The following PBX1 variants were observed in gnomAD, a reference collection of about 807,000 sequenced individuals.
The protein encoded by PBX1 is pre-B-cell leukemia transcription factor 1.
Under a neutral mutation model 53.4 loss-of-function variants are expected in PBX1, and 6 were observed. That is an observed-to-expected ratio of 0.11 (90% CI 0.06 to 0.22). The LOEUF is 0.22. Among genes scored for constraint, PBX1 ranks in the 10% least tolerant of loss-of-function variants. The pLI, the probability that PBX1 is intolerant of heterozygous loss-of-function variation, is 1.00. For synonymous variants in PBX1, 204 were observed against 212.3 expected (o/e 0.96, Z 0.34); for missense variants, 251 against 551.4 (o/e 0.46, Z 5.46).
At chr1:164,683,631 ACT>A (rs1176945836) in intron 2 of PBX1, 3 of 151,914 alleles carry the variant, frequency 2.0e-5, no homozygotes, top group African/African-American at 7.3e-5. Flanking sequence ...ACACATACAC[ACT>A]CTCACTTTTA....
chr1:164,569,590 T>TG (rs992002811), intron 2 of PBX1, among the ~76,000 whole-genome samples: 1 of 128,538 alleles, frequency 7.8e-6, no homozygotes, highest in African/African-American at 2.8e-5. Context: ...TTTTTTTTTT[T>TG]GTCAAGAGTC....
chr1:164,610,973 C>T (rs1449488889), intron 2 of PBX1, among the ~76,000 whole-genome samples: 1 of 152,156 alleles, frequency 6.6e-6, no homozygotes, highest in African/African-American at 2.4e-5. Context: ...TTTTTCCTTT[C>T]CTTTTACCCA....
chr1:164,690,865 C>T (rs985795728), intron 2 of PBX1, among the ~76,000 whole-genome samples: 6 of 151,980 alleles, frequency 3.9e-5, no homozygotes, highest in Admixed American at 6.6e-5. Context: ...ACGGATGATG[C>T]GGTGGAGATT....
intron 1 of PBX1, 184 bp from the exon 2 acceptor site, chr1:164,563,054 A>G (rs546053682): frequency 7.3e-5 from 30 of 413,370 alleles, no homozygotes; most frequent in African/African-American, 6.2e-4. Flanking sequence ...CCTGCTAATT[A>G]ACATTATTTC....
chr1:164,803,698 G>A (rs1035791850), intron 4 of PBX1, among the ~76,000 whole-genome samples: 2 of 152,148 alleles, frequency 1.3e-5, no homozygotes, highest in Non-Finnish European at 2.9e-5. Context: ...CTAGGGATAG[G>A]AAAGATCCAC....
chr1:164,673,645 A>G (rs775544238), intron 2 of PBX1, among the ~76,000 whole-genome samples: 32 of 151,972 alleles, frequency 2.1e-4, no homozygotes, highest in Non-Finnish European at 4.1e-4. Context: ...GAAAGTTACT[A>G]ACATTTTTAA....
chr1:164,621,834 AT>A (rs371514378), intron 2 of PBX1, among the ~76,000 whole-genome samples: 6 of 150,674 alleles, frequency 4.0e-5, no homozygotes, highest in South Asian at 2.1e-4. Context: ...ATTTGGGTAG[AT>A]TTTTTTTTTC....
intron 2 of PBX1, among the ~76,000 whole-genome samples, chr1:164,632,720 A>C (rs1030726340): frequency 1.6e-4 from 24 of 152,298 alleles, no homozygotes; most frequent in African/African-American, 5.5e-4. Context: ...CACTAGGAAG[A>C]ATCAGTGGTA....
intron 8 of PBX1, among the ~76,000 whole-genome samples, chr1:164,823,420 C>T (rs1312744284): frequency 6.6e-6 from 1 of 152,084 alleles, no homozygotes; most frequent in African/African-American, 2.4e-5. Flanking sequence ...GAAAGCTTTG[C>T]TCTGTGCATA....
intron 2 of PBX1, among the ~76,000 whole-genome samples, chr1:164,583,493 C>T (rs1331019270): frequency 6.6e-6 from 1 of 152,064 alleles, no homozygotes; most frequent in Non-Finnish European, 1.5e-5. Context: ...GACCTGGCAG[C>T]CTTAGCTGGG....
chr1:164,716,948 G>A (rs1170446061), intron 2 of PBX1, among the ~76,000 whole-genome samples: 1 of 152,082 alleles, frequency 6.6e-6, no homozygotes, highest in East Asian at 1.9e-4. Flanking sequence ...TAAGTTTCAG[G>A]GTGTTTGTGG....
intron 2 of PBX1, among the ~76,000 whole-genome samples, chr1:164,862,322 C>T (rs1490671663): frequency 3.9e-5 from 6 of 152,172 alleles, no homozygotes; most frequent in African/African-American, 1.4e-4. Flanking sequence ...AAGCTCAGTG[C>T]CAATGCCACT....
At chr1:164,763,162 C>T (rs1666894392) in intron 2 of PBX1, among the ~76,000 whole-genome samples, 1 of 152,186 alleles carries the variant, frequency 6.6e-6, no homozygotes, top group Admixed American at 6.5e-5. Context: ...ACCACATCCA[C>T]CCCCTTTCAA....
intron 2 of PBX1, among the ~76,000 whole-genome samples, chr1:164,616,691 A>C (rs1657302842): frequency 6.6e-6 from 1 of 152,168 alleles, no homozygotes; most frequent in Non-Finnish European, 1.5e-5. Context: ...AAAAAAATCC[A>C]AAATTGCATG....
In PBX1 at chr1:164,824,463, A is replaced by C. The variant is rs112109362; in HGVS notation, c.1200+2837A>C. On this transcript the variant is annotated intron_variant, in intron 8 of 8. Coordinates refer to ENST00000420696, the MANE Select transcript of PBX1 (RefSeq NM_002585.4). Reference sequence around the variant, plus strand: ...TAAGTCGGAAAGGGATTGGCAAAGCATAAATTATTCCACATGAATGCAGTA... The same window carrying C: ...TAAGTCGGAAAGGGATTGGCAAAGCCTAAATTATTCCACATGAATGCAGTA... Among the ~76,000 whole-genome samples, 1,044 of 152,354 alleles carry C rather than the reference A, an allele frequency of 6.9e-3. 8 individuals carry two copies. The highest frequency in any genetic ancestry group is 9.6e-3 in the Non-Finnish European group (651 of 68,026).
chr1:164,626,487 A>G (rs1030666429), intron 2 of PBX1, among the ~76,000 whole-genome samples: 3 of 152,186 alleles, frequency 2.0e-5, no homozygotes, highest in Non-Finnish European at 4.4e-5. Context: ...ACAGACACAT[A>G]CTTATCTAAT....
intron 2 of PBX1, among the ~76,000 whole-genome samples, chr1:164,719,223 A>G (rs1557964243): frequency 6.6e-6 from 1 of 152,104 alleles, no homozygotes. Flanking sequence ...TTTTTCTATC[A>G]CTCTCCTTCA....
chr1:164,612,606 A>G (rs763736620), intron 2 of PBX1, among the ~76,000 whole-genome samples: 1 of 151,950 alleles, frequency 6.6e-6, no homozygotes, highest in African/African-American at 2.4e-5. Context: ...GAAAAGTCCC[A>G]TTTTTGTATT....
At chr1:164,839,646 C>T (rs1055182054) in intron 8 of PBX1, among the ~76,000 whole-genome samples, 1 of 152,252 alleles carries the variant, frequency 6.6e-6, no homozygotes, top group East Asian at 1.9e-4. Flanking sequence ...CTTCTCAGTA[C>T]AGTAAAGGAA....
Sources: gnomAD v4.1 joint callset for allele counts (sites outside exome capture counted in the v4.1 genomes callset) on GRCh38, gnomAD v4.1.1 for gene constraint, MANE v1.5 for transcripts, NCBI Gene and HGNC (gene_info 2026-07-23, HGNC 2026-07-21) for gene names.